Variants in ATP8A2 observed in about 807,000 individuals in gnomAD.
ATP8A2 encodes ATPase phospholipid transporting 8A2, also known as phospholipid-transporting ATPase IB.
Under a neutral mutation model 165.6 loss-of-function variants are expected in ATP8A2, and 100 were observed. The observed-to-expected ratio is 0.60, with a 90% CI of 0.51 to 0.71. The LOEUF (loss-of-function observed/expected upper bound fraction) is 0.71, where lower values mean the gene tolerates loss of function less well. ATP8A2 is among the 30% of genes least tolerant of loss of function. The pLI is 0.00. For synonymous variants in ATP8A2, 543 were observed against 548.8 expected (o/e 0.99, Z 0.15); for missense variants, 1,227 against 1,479.5 (o/e 0.83, Z 2.80).
At chr13:25,594,430 T>A (rs1036952113) in intron 24 of ATP8A2, among the ~76,000 whole-genome samples, 12 of 152,136 alleles carry the variant, frequency 7.9e-5, no homozygotes, top group East Asian at 1.9e-4. Context: ...ATTTAAAAAA[T>A]TTTTTATTTC....
At chr13:25,490,235 A>G (rs1407795950) in intron 2 of ATP8A2, among the ~76,000 whole-genome samples, 1 of 152,198 alleles carries the variant, frequency 6.6e-6, no homozygotes, top group Non-Finnish European at 1.5e-5. Context: ...TACGGGAGAG[A>G]AACTCCGAGC....
intron 33 of ATP8A2, among the ~76,000 whole-genome samples, chr13:25,892,877 A>G (rs1349054097): frequency 6.6e-6 from 1 of 151,974 alleles, no homozygotes; most frequent in Admixed American, 6.6e-5. Context: ...TCTTCAAAGA[A>G]TACCCAGGGC....
At position 25,585,931 on chromosome 13, in the gene ATP8A2, A is replaced by G. The variant is rs139398459; in HGVS notation, c.2147-3704A>G. 1.5e-3 allele frequency among the ~76,000 whole-genome samples: 222 copies of G among 152,344 alleles called. 1 individual carries two copies. Among genetic ancestry groups the G allele is most frequent in the African/African-American group, 5.1e-3 (214 of 41,578 alleles). On this transcript the variant is annotated intron_variant, in intron 23 of 36. Transcript: ENST00000381655. Reference sequence around the variant, plus strand: ...CATTCCACACTTGGGGCATGAGTTAATTATGAGACAAATCAGAGAATGAAA... The same window carrying G: ...CATTCCACACTTGGGGCATGAGTTAGTTATGAGACAAATCAGAGAATGAAA...
intron 27 of ATP8A2, among the ~76,000 whole-genome samples, chr13:25,779,879 C>T (rs947522641): frequency 3.3e-5 from 5 of 152,210 alleles, no homozygotes; most frequent in African/African-American, 9.6e-5. Context: ...TGACTGACCT[C>T]TGTGTGGTAT....
chr13:25,453,981 C>T lies in ATP8A2; in HGVS notation c.77-14996C>T, dbSNP rs192473880. Among the ~76,000 whole-genome samples, 252 of 152,020 alleles carry T rather than the reference C, an allele frequency of 1.7e-3. 4 individuals are homozygous for T. Among genetic ancestry groups the T allele is most frequent in the African/African-American group, 4.9e-3 (204 of 41,460 alleles). Reference sequence around the variant, plus strand: ...CACTGATGAGTGGGGAGGGCTGTGGCGGGAGGAAAGGAACTGGTTTGGTAG... The same window carrying T: ...CACTGATGAGTGGGGAGGGCTGTGGTGGGAGGAAAGGAACTGGTTTGGTAG... On this transcript the variant is annotated intron_variant, in intron 1 of 36. Transcript: ENST00000381655.
intron 16 of ATP8A2, among the ~76,000 whole-genome samples, chr13:25,570,394 G>A (rs1811345441): frequency 6.6e-6 from 1 of 152,142 alleles, no homozygotes; most frequent in Admixed American, 6.5e-5. Flanking sequence ...AGCACGTGGT[G>A]AAGTGCAAGC....
At chr13:25,817,619 A>C (rs930545773) in intron 27 of ATP8A2, among the ~76,000 whole-genome samples, 1 of 152,162 alleles carries the variant, frequency 6.6e-6, no homozygotes, top group Non-Finnish European at 1.5e-5. Flanking sequence ...ATTTATTTCC[A>C]TGTAATAATT....
At chr13:25,546,512 A>G (rs1026237384) in intron 10 of ATP8A2, among the ~76,000 whole-genome samples, 1 of 121,396 alleles carries the variant, frequency 8.2e-6, no homozygotes, top group Non-Finnish European at 1.8e-5. Flanking sequence ...GGGTTCTTCT[A>G]CCTTTTTTTT....
At chr13:25,563,551 C>A (rs2039224419) in intron 15 of ATP8A2, among the ~76,000 whole-genome samples, 1 of 152,096 alleles carries the variant, frequency 6.6e-6, no homozygotes, top group Non-Finnish European at 1.5e-5. Context: ...TACATATGCG[C>A]TCTGGCCACA....
intron 33 of ATP8A2, among the ~76,000 whole-genome samples, chr13:25,869,084 A>C (rs1174328565): frequency 6.6e-6 from 1 of 151,920 alleles, no homozygotes; most frequent in African/African-American, 2.4e-5. Flanking sequence ...AAAAAAAAAA[A>C]AAAAAAAAAC....
intron 1 of ATP8A2, among the ~76,000 whole-genome samples, chr13:25,410,191 T>C (rs1450318373): frequency 5.3e-5 from 8 of 152,082 alleles, no homozygotes; most frequent in Non-Finnish European, 1.2e-4. Context: ...AAAGAATTTA[T>C]GTAGACAGTC....
chr13:25,589,078 T>C (rs2039999233), intron 23 of ATP8A2, among the ~76,000 whole-genome samples: 1 of 152,128 alleles, frequency 6.6e-6, no homozygotes, highest in Non-Finnish European at 1.5e-5. Flanking sequence ...TGTTAAGAAC[T>C]AGGAGTACTT....
At chr13:25,847,425 G>A (rs2138693248) in intron 30 of ATP8A2, among the ~76,000 whole-genome samples, 1 of 152,306 alleles carries the variant, frequency 6.6e-6, no homozygotes, top group South Asian at 2.1e-4. Context: ...CTGAAACCCA[G>A]AATTGGGCTG....
intron 24 of ATP8A2, among the ~76,000 whole-genome samples, chr13:25,662,971 AG>A (rs1165381156): frequency 1.3e-5 from 2 of 152,238 alleles, no homozygotes; most frequent in African/African-American, 4.8e-5. Flanking sequence ...AATAGCAGAA[AG>A]GGAGCAGGAG....
At chr13:25,845,929 A>T (rs1320851311) in intron 30 of ATP8A2, among the ~76,000 whole-genome samples, 1 of 152,184 alleles carries the variant, frequency 6.6e-6, no homozygotes, top group Non-Finnish European at 1.5e-5. Context: ...TAATCCCAGC[A>T]CTTTGGGAGG....
chr13:25,746,682 G>C (rs950745095), intron 25 of ATP8A2, among the ~76,000 whole-genome samples: 4 of 152,124 alleles, frequency 2.6e-5, no homozygotes, highest in African/African-American at 9.7e-5. Context: ...CTGGACGGAC[G>C]TTATTCATGC....
chr13:25,595,756 A>G (rs140242447), intron 24 of ATP8A2, among the ~76,000 whole-genome samples: 1 of 152,310 alleles, frequency 6.6e-6, no homozygotes, highest in African/African-American at 2.4e-5. Flanking sequence ...AGAACCTGAT[A>G]TTAAAAGTAG....
chr13:25,575,511 C>T (rs2138204425), intron 19 of ATP8A2, among the ~76,000 whole-genome samples: 1 of 152,312 alleles, frequency 6.6e-6, no homozygotes, highest in South Asian at 2.1e-4. Context: ...CTGTTGCTAT[C>T]TCAAAGGCAT....
At chr13:25,409,357 A>G (rs2033900418) in intron 1 of ATP8A2, among the ~76,000 whole-genome samples, 1 of 152,246 alleles carries the variant, frequency 6.6e-6, no homozygotes, top group Non-Finnish European at 1.5e-5. Context: ...ATAGAAAACA[A>G]AAAGACAAGA....
Sources: allele counts gnomAD v4.1 joint callset (sites outside exome capture counted in the v4.1 genomes callset), GRCh38; gene constraint gnomAD v4.1.1; transcripts MANE v1.5; gene names NCBI Gene and HGNC (gene_info 2026-07-23, HGNC 2026-07-21).